The following OR4D10 variants were observed in gnomAD, a reference collection of about 807,000 sequenced individuals.
OR4D10 encodes olfactory receptor family 4 subfamily D member 10.
For synonymous variants in OR4D10, 188 were observed against 153.2 expected, an observed-to-expected ratio of 1.23 and a Z score of -1.68; for missense variants, 395 against 378.0, an observed-to-expected ratio of 1.04 and a Z score of -0.37.
rs754400276 is a variant in OR4D10, at chr11:59,473,399, TA to T, written c.-464del. On this transcript the variant is annotated 5_prime_UTR_variant, in exon 1 of 3. Transcript: ENST00000530162. Reference sequence around the variant, plus strand: ...AACATTCTCTTTCCAATTCATAAATTAAGCATGAGCCTCAGAGGTTTGAACA... The same window carrying T: ...AACATTCTCTTTCCAATTCATAAATTAGCATGAGCCTCAGAGGTTTGAACA... The T allele has an allele frequency of 2.6e-5, 4 of 152,140 alleles. No homozygotes were observed. The highest frequency in any genetic ancestry group is 5.9e-5 in the Non-Finnish European group (4 of 68,022). 9.4% of individuals were successfully genotyped at this position (152,140 alleles called of 1,614,324 possible). A position where few individuals can be genotyped will look rare whatever the true frequency, so the allele number is the denominator to read the frequency against.
At position 59,478,461 on chromosome 11, in the gene OR4D10, C is replaced by T. The variant is rs933762266; in HGVS notation, c.*96C>T. 3 of 803,228 alleles carry T rather than the reference C, an allele frequency of 3.7e-6. No homozygotes were observed. The African/African-American group carries it at 5.2e-5, about 14-fold the overall frequency. 49.8% of individuals were successfully genotyped at this position (803,228 alleles called of 1,614,324 possible). On this transcript the variant is annotated 3_prime_UTR_variant, in exon 3 of 3. Transcript: ENST00000530162. ...CATATATTCAAATATATTGTCAAAC[C>T]AACTACACTTAGTAATAATTAATTT... is the stretch of plus-strand genomic sequence containing the variant.
intron 2 of OR4D10, among the ~76,000 whole-genome samples, chr11:59,476,804 A>C (rs1858912991): frequency 6.6e-6 from 1 of 152,024 alleles, no homozygotes; most frequent in African/African-American, 2.4e-5. Context: ...TCTTCACTAC[A>C]TCCCCCTGCC....
At chr11:59,475,760 G>A (rs548991940) in intron 2 of OR4D10, among the ~76,000 whole-genome samples, 5 of 152,300 alleles carry the variant, frequency 3.3e-5, no homozygotes, top group African/African-American at 1.2e-4. Flanking sequence ...CCAACATTAA[G>A]GAGGCATGTT....
Position 59,479,023 on chromosome 11 carries a change from T to G in OR4D10, c.*658T>G, listed in dbSNP as rs998993228. The G allele has an allele frequency of 6.6e-6, 1 of 152,240 alleles. No individual in the cohort carries two copies. The highest frequency in any genetic ancestry group is 1.5e-5 in the Non-Finnish European group (1 of 68,056). The allele number at this position is 152,240 out of a possible 1,614,324, so 9.4% of individuals were successfully genotyped here. ...GTAAACGTATCCTACATGATCCTTA[T>G]GATGGGCAAGGTCATTACCTTGCCC... On this transcript the variant is annotated 3_prime_UTR_variant, in exon 3 of 3. Coordinates refer to ENST00000530162, the MANE Select transcript of OR4D10 (RefSeq NM_001004705.2).
At position 59,477,878 on chromosome 11, in the gene OR4D10, TG is replaced by T. The variant is rs1210330173; in HGVS notation, c.455del (p.Gly152AlafsTer47). ...ATTGGGCTCACAGTGGCTGCCTGGT[TG>T]GGGGGCTTTGTCCACTCCATCGTGC... ...HCIGLTVAAW[L>X]GGFVHSIVQI... On this transcript the variant is annotated frameshift_variant, in exon 3 of 3. Transcript: ENST00000530162. LOFTEE classifies it low-confidence loss of function (END_TRUNC). 1.9e-6 allele frequency: 3 copies of T among 1,614,012 alleles called. No homozygotes were observed. The highest frequency in any genetic ancestry group is 2.7e-5 in the African/African-American group (2 of 74,894).
At chr11:59,475,981 T>C (rs904057806) in intron 2 of OR4D10, among the ~76,000 whole-genome samples, 2 of 152,220 alleles carry the variant, frequency 1.3e-5, no homozygotes, top group African/African-American at 4.8e-5. Context: ...AATGATCATA[T>C]GTTGTAACAC....
chr11:59,476,816 C>G (rs1387341810), intron 2 of OR4D10, among the ~76,000 whole-genome samples: 5 of 152,028 alleles, frequency 3.3e-5, no homozygotes, highest in Non-Finnish European at 7.4e-5. Flanking sequence ...CCCCCTGCCT[C>G]TCTCAGCAGC....
chr11:59,478,322 T>G lies in OR4D10; in HGVS notation c.893T>G (p.Met298Arg). 6 of 1,612,960 alleles carry G rather than the reference T, an allele frequency of 3.7e-6. No homozygotes were observed. Among genetic ancestry groups the G allele is most frequent in the Non-Finnish European group, 5.1e-6 (6 of 1,179,448 alleles). Residue 298 changes from methionine (M) to arginine (R), a missense_variant, in exon 3 of 3, where the codon ATG becomes AGG. Transcript: ENST00000530162. ...AGGAACCATGAGATGAAGTCAGCCA[T>G]GAGGAGACTGAAGAGAAGACTTGTG... is the stretch of plus-strand genomic sequence containing the variant. ...TLRNHEMKSA[M>R]RRLKRRLVPS...
Position 59,478,632 on chromosome 11 carries a change from G to C in OR4D10, c.*267G>C. 3.1e-6 allele frequency: 1 copy of C among 323,260 alleles called. No individual in the cohort carries two copies. 20.0% of individuals were successfully genotyped at this position (323,260 alleles called of 1,614,324 possible). A position where few individuals can be genotyped will look rare whatever the true frequency, so the allele number is the denominator to read the frequency against. Reference sequence around the variant, plus strand: ...CTTCCATGGACTCCAAGTTCTGAAAGTGTTGCCTGCTGAATTGAATATATT... The same window carrying C: ...CTTCCATGGACTCCAAGTTCTGAAACTGTTGCCTGCTGAATTGAATATATT... On this transcript the variant is annotated 3_prime_UTR_variant, in exon 3 of 3. Transcript: ENST00000530162.
Position 59,475,798 on chromosome 11 carries a change from C to T in OR4D10, c.-168-1464C>T, listed in dbSNP as rs960562065. 2.9e-4 allele frequency among the ~76,000 whole-genome samples: 44 copies of T among 152,162 alleles called. 1 individual carries two copies. The highest frequency in any genetic ancestry group is 2.7e-3 in the Admixed American group (41 of 15,270). ...ATTTTAATGACATCAATTTCTGCAG[C>T]ACAGTCTTATCGGAGGTGCTGCAGA... On this transcript the variant is annotated intron_variant, in intron 2 of 2. Transcript: ENST00000530162.
At position 59,477,456 on chromosome 11, in the gene OR4D10, A is replaced by G. The variant is rs776224170; in HGVS notation, c.27A>G (p.Val9=). 8.8e-6 allele frequency: 14 copies of G among 1,584,278 alleles called. No homozygotes were observed. The highest frequency in any genetic ancestry group is 5.8e-5 in the South Asian group (5 of 85,900). ...TGGAGATGGAAAACTGCACCAGGGT[A>G]AAAGAATTTATTTTCCTTGGCCTGA... MEMENCTR[V]KEFIFLGLTQ... is the part of the protein sequence containing the mutation. Residue 9 remains valine, a synonymous_variant, in exon 3 of 3, where the codon GTA becomes GTG. Coordinates refer to ENST00000530162, the MANE Select transcript of OR4D10 (RefSeq NM_001004705.2).
Position 59,473,611 on chromosome 11 carries a change from G to C in OR4D10, c.-254G>C, listed in dbSNP as rs573396149. 1.3e-5 allele frequency: 2 copies of C among 152,202 alleles called. No homozygotes were observed. The highest frequency in any genetic ancestry group is 2.9e-5 in the Non-Finnish European group (2 of 68,032). 9.4% of individuals were successfully genotyped at this position (152,202 alleles called of 1,614,324 possible). ...CACTATATCTAATAGCATCAAATTT[G>C]TAGTTGGAGTTTTGGGATCAAAGGA... On this transcript the variant is annotated 5_prime_UTR_variant, in exon 1 of 3. Transcript: ENST00000530162.
intron 2 of OR4D10, among the ~76,000 whole-genome samples, chr11:59,476,410 C>T (rs1286125520): frequency 1.3e-5 from 2 of 152,160 alleles, no homozygotes; most frequent in African/African-American, 4.8e-5. Context: ...GAGACAGGGT[C>T]TCACTCTGTC....
At position 59,477,400 on chromosome 11, in the gene OR4D10, A is replaced by T. The variant is rs1201215426; in HGVS notation, c.-30A>T. The T allele has an allele frequency of 2.7e-6, 4 of 1,483,890 alleles. No homozygotes were observed. Among genetic ancestry groups the T allele is most frequent in the Non-Finnish European group, 3.6e-6 (4 of 1,102,170 alleles). The allele number at this position is 1,483,890 out of a possible 1,614,324, so 91.9% of individuals were successfully genotyped here. A position where few individuals can be genotyped will look rare whatever the true frequency, so the allele number is the denominator to read the frequency against. The stretch of plus-strand genomic sequence containing the variant: ...CCAGTGCTTTCACATGACATGGTTT[A>T]AAACCAAAGAGAATAAAGAGGATGA... On this transcript the variant is annotated 5_prime_UTR_variant, in exon 3 of 3. The change creates a premature stop within an existing upstream ORF in the 5' untranslated region. Coordinates refer to ENST00000530162, the MANE Select transcript of OR4D10 (RefSeq NM_001004705.2).
chr11:59,477,893 A>T lies in OR4D10; in HGVS notation c.464A>T (p.His155Leu). Residue 155 changes from histidine to leucine, a missense_variant, in exon 3 of 3, where the codon CAC (histidine) becomes CTC (leucine). His to Leu is a moderately conservative substitution (Grantham distance 99). Coordinates refer to ENST00000530162, the MANE Select transcript of OR4D10 (RefSeq NM_001004705.2). ...GCTGCCTGGTTGGGGGGCTTTGTCC[A>T]CTCCATCGTGCAGATTTCCCTGTTG... is the stretch of plus-strand genomic sequence containing the variant. Reference protein sequence around the residue: ...TVAAWLGGFVHSIVQISLLLP... With the variant: ...TVAAWLGGFVLSIVQISLLLP... 6.2e-7 allele frequency: 1 copy of T among 1,613,608 alleles called. No homozygotes were observed. Among genetic ancestry groups the T allele is most frequent in the Non-Finnish European group, 8.5e-7 (1 of 1,179,894 alleles).
chr11:59,474,463 G>A (rs778163236), intron 2 of OR4D10, among the ~76,000 whole-genome samples: 6 of 152,096 alleles, frequency 3.9e-5, no homozygotes, highest in African/African-American at 4.8e-5. Context: ...ATAAGGTGGC[G>A]TGAATAATAA....
rs1362287614 is a variant in OR4D10 at position 59,477,638 on chromosome 11, A to C, written c.209A>C (p.Asp70Ala). 6.2e-7 allele frequency: 1 copy of C among 1,614,072 alleles called. No individual in the cohort carries two copies. The highest frequency in any genetic ancestry group is 1.3e-5 in the African/African-American group (1 of 75,024). Residue 70 changes from aspartate to alanine, a missense_variant, in exon 3 of 3, where the codon GAT (aspartate) becomes GCT (alanine). By Grantham distance (126) the Asp-to-Ala change is moderately radical. Coordinates refer to ENST00000530162, the MANE Select transcript of OR4D10 (RefSeq NM_001004705.2). ...TTGCTCCATAATTTATCTATTGCCG[A>C]TATCTGCTTCTCTTCCATCACAGTG... ...YFLLHNLSIA[D>A]ICFSSITVPK...
intron 2 of OR4D10, among the ~76,000 whole-genome samples, chr11:59,476,249 T>C (rs533916893): frequency 2.0e-5 from 3 of 152,246 alleles, no homozygotes; most frequent in Admixed American, 2.0e-4. Flanking sequence ...ACACATGCAG[T>C]AGGTGAAGAT....
chr11:59,476,164 A>G (rs1057215443), intron 2 of OR4D10, among the ~76,000 whole-genome samples: 1 of 152,194 alleles, frequency 6.6e-6, no homozygotes, highest in Non-Finnish European at 1.5e-5. Flanking sequence ...TAAGAGAATA[A>G]TTCACAAGAC....
Sources: allele counts gnomAD v4.1 joint callset (sites outside exome capture counted in the v4.1 genomes callset), GRCh38; gene constraint gnomAD v4.1.1; transcripts MANE v1.5; gene names NCBI Gene and HGNC (gene_info 2026-07-23, HGNC 2026-07-21).